Variants in RAB6B observed in about 807,000 individuals in gnomAD.
The protein encoded by RAB6B is ras-related protein Rab-6B.
In RAB6B, 7 loss-of-function variants were observed where a neutral mutation model predicts 31.2. The ratio of observed to expected loss-of-function variants is 0.22; its 90% CI spans 0.13 to 0.42. The LOEUF is 0.42. Ranked by LOEUF, RAB6B falls within the 10% of genes least tolerant of loss-of-function variation. RAB6B has a pLI of 1.00. For missense variants in RAB6B, 149 were observed against 280.6 expected (o/e 0.53, Z 3.35); for synonymous variants, 105 against 104.9 (o/e 1.00, Z -0.01).
At chr3:133,841,744 C>A in intron 2 of RAB6B, 81 bp from the exon 3 acceptor site, 1 of 1,430,330 alleles carries the variant, frequency 7.0e-7, no homozygotes, top group Non-Finnish European at 9.8e-7. Flanking sequence ...CAGGTGGTGG[C>A]ATAACCAGCA....
chr3:133,829,037 C>T lies in RAB6B; in HGVS notation c.563-185G>A, dbSNP rs558360146. Among the ~76,000 whole-genome samples, 9 of 152,280 alleles carry T rather than the reference C, an allele frequency of 5.9e-5. No individual in the cohort carries two copies. In the South Asian group the frequency reaches 6.2e-4, roughly 11 times the overall value. On this transcript the variant is annotated intron_variant, in intron 7 of 7. Transcript: ENST00000285208. Reference sequence around the variant, plus strand: ...CACCTTGCCTCCTCTTCCCTTCACCCGTCCACTTCCCCCAGCGCCTGTCCA... The same window carrying T: ...CACCTTGCCTCCTCTTCCCTTCACCTGTCCACTTCCCCCAGCGCCTGTCCA...
chr3:133,885,886 C>T (rs1481774197), intron 1 of RAB6B, among the ~76,000 whole-genome samples: 1 of 152,196 alleles, frequency 6.6e-6, no homozygotes, highest in African/African-American at 2.4e-5. Context: ...TCTATAAATT[C>T]CATCCTCGGA....
intron 1 of RAB6B, among the ~76,000 whole-genome samples, chr3:133,873,105 G>A (rs537851440): frequency 3.3e-5 from 5 of 152,322 alleles, no homozygotes; most frequent in Admixed American, 1.3e-4. Flanking sequence ...CAGTAAGCCT[G>A]CCCACTACAG....
At chr3:133,869,122 G>T (rs1936281932) in intron 1 of RAB6B, among the ~76,000 whole-genome samples, 1 of 152,150 alleles carries the variant, frequency 6.6e-6, no homozygotes, top group Non-Finnish European at 1.5e-5. Flanking sequence ...GGGGTGAAGG[G>T]GAATTCCAGA....
At position 133,841,403 on chromosome 3, in the gene RAB6B, G is replaced by A. The variant is rs758290650; in HGVS notation, c.184-13C>T. On this transcript the variant is annotated splice_polypyrimidine_tract_variant and intron_variant, in intron 3 of 7. Coordinates refer to ENST00000285208, the MANE Select transcript of RAB6B (RefSeq NM_016577.4). ...GCTGCAGTCGCACCTGTCTCAGGGA[G>A]GGCAGGACCATGGGCAGAGGGGTCA... 1.1e-5 allele frequency: 17 copies of A among 1,613,618 alleles called. No individual in the cohort carries two copies. The South Asian group carries it at 1.5e-4, about 15-fold the overall frequency.
chr3:133,875,493 T>C (rs1576407417), intron 1 of RAB6B, among the ~76,000 whole-genome samples: 1 of 152,208 alleles, frequency 6.6e-6, no homozygotes, highest in South Asian at 2.1e-4. Context: ...AGACGCACTA[T>C]ACAGCATGGT....
intron 2 of RAB6B, among the ~76,000 whole-genome samples, chr3:133,855,077 G>A (rs1576399753): frequency 6.6e-6 from 1 of 152,354 alleles, no homozygotes. Context: ...AAAGCAGCTG[G>A]GCATGACAAG....
chr3:133,890,542 T>A (rs1012054036), intron 1 of RAB6B, among the ~76,000 whole-genome samples: 1 of 151,834 alleles, frequency 6.6e-6, no homozygotes, highest in East Asian at 1.9e-4. Context: ...GAGGCGGAGG[T>A]TGCAGTAAGC....
chr3:133,837,173 C>T (rs1484777061), intron 6 of RAB6B, among the ~76,000 whole-genome samples: 12 of 152,246 alleles, frequency 7.9e-5, no homozygotes, highest in African/African-American at 2.2e-4. Context: ...TCATCCCCAA[C>T]GGCAGGAGTT....
chr3:133,829,959 GTGTA>G (rs1030054956), intron 7 of RAB6B, among the ~76,000 whole-genome samples: 3 of 64,342 alleles, frequency 4.7e-5, no homozygotes, highest in Non-Finnish European at 1.1e-4. Context: ...TTTATCTTGT[GTGTA>G]TGTATATGTA....
At chr3:133,841,777 C>T (rs377453454) in intron 2 of RAB6B, 114 bp from the exon 3 acceptor site, 1 of 993,998 alleles carries the variant, frequency 1.0e-6, no homozygotes. Flanking sequence ...CATGTCAGGT[C>T]TAATGTGGCC....
At chr3:133,875,711 C>T (rs1231981063) in intron 1 of RAB6B, among the ~76,000 whole-genome samples, 1 of 152,128 alleles carries the variant, frequency 6.6e-6, no homozygotes, top group Non-Finnish European at 1.5e-5. Context: ...TTCTTCTTGT[C>T]CCCCAGCCTG....
chr3:133,871,754 G>A (rs2108007816), intron 1 of RAB6B, among the ~76,000 whole-genome samples: 1 of 152,374 alleles, frequency 6.6e-6, no homozygotes, highest in African/African-American at 2.4e-5. Flanking sequence ...GAGACTGCAC[G>A]GAGGGTTTGC....
At chr3:133,836,530 T>C (rs982722236) in intron 6 of RAB6B, among the ~76,000 whole-genome samples, 1 of 152,154 alleles carries the variant, frequency 6.6e-6, no homozygotes, top group African/African-American at 2.4e-5. Flanking sequence ...CACATTTAAC[T>C]CCTGCTAAAC....
intron 7 of RAB6B, among the ~76,000 whole-genome samples, chr3:133,833,523 C>A (rs1003027248): frequency 4.6e-5 from 7 of 152,192 alleles, no homozygotes; most frequent in Non-Finnish European, 1.0e-4. Flanking sequence ...GTCAGGCTCC[C>A]CCTTGCTGCA....
intron 2 of RAB6B, among the ~76,000 whole-genome samples, chr3:133,851,465 G>A (rs1935983465): frequency 6.6e-6 from 1 of 152,220 alleles, no homozygotes; most frequent in South Asian, 2.1e-4. Flanking sequence ...AGATAACCCT[G>A]GTTGAAGGAT....
chr3:133,867,471 G>A (rs568260936), intron 1 of RAB6B, among the ~76,000 whole-genome samples: 46 of 152,302 alleles, frequency 3.0e-4, no homozygotes, highest in African/African-American at 9.6e-4. Flanking sequence ...TTCACACAAC[G>A]GGCATTAAGG....
In RAB6B at chr3:133,827,683, A is replaced by G. The variant is rs1226358569; in HGVS notation, c.*1105T>C. On this transcript the variant is annotated 3_prime_UTR_variant, in exon 8 of 8. Coordinates refer to ENST00000285208, the MANE Select transcript of RAB6B (RefSeq NM_016577.4). Reference sequence around the variant, plus strand: ...AATCAGCTTTTCCAGAAAGCACTCAACAATATTAGCAGCTGAGGCTCTAAG... The same window carrying G: ...AATCAGCTTTTCCAGAAAGCACTCAGCAATATTAGCAGCTGAGGCTCTAAG... The G allele has an allele frequency of 1.7e-6, 1 of 576,858 alleles. No individual in the cohort carries two copies. The highest frequency in any genetic ancestry group is 3.1e-6 in the Non-Finnish European group (1 of 324,648). 35.7% of individuals were successfully genotyped at this position (576,858 alleles called of 1,614,324 possible).
chr3:133,885,691 G>C, intron 1 of RAB6B: 1 of 695,282 alleles, frequency 1.4e-6, no homozygotes, highest in Non-Finnish European at 2.6e-6. Context: ...GGACAGGGGA[G>C]CTTAAAGGGG....
Sources: gnomAD v4.1 joint callset for allele counts (sites outside exome capture counted in the v4.1 genomes callset) on GRCh38, gnomAD v4.1.1 for gene constraint, MANE v1.5 for transcripts, NCBI Gene and HGNC (gene_info 2026-07-23, HGNC 2026-07-21) for gene names.